DIS3L2: variants seen among roughly 807,000 people sequenced by gnomAD.
DIS3L2 encodes DIS3-like exonuclease 2.
In DIS3L2, 34 loss-of-function variants were observed where a neutral mutation model predicts 97.5. That is an observed-to-expected ratio of 0.35 (90% CI 0.27 to 0.46). The LOEUF is 0.46. DIS3L2 is among the 20% of genes least tolerant of loss of function. DIS3L2 has a pLI of 1.00. For missense variants in DIS3L2, 1,038 were observed against 1,146.0 expected (o/e 0.91, Z 1.36); for synonymous variants, 435 against 445.2 (o/e 0.98, Z 0.29).
chr2:232,003,196 C>T (rs765845267), intron 1 of DIS3L2, among the ~76,000 whole-genome samples: 2 of 152,116 alleles, frequency 1.3e-5, no homozygotes, highest in Non-Finnish European at 2.9e-5. Context: ...TAGAGGTTAC[C>T]CTTTATGCTT....
At chr2:232,196,062 C>A (rs1251407288) in intron 9 of DIS3L2, among the ~76,000 whole-genome samples, 1 of 151,912 alleles carries the variant, frequency 6.6e-6, no homozygotes, top group Non-Finnish European at 1.5e-5. Flanking sequence ...AGGTCAGATT[C>A]TTTTATTGTC....
At chr2:232,329,214 C>A (rs1157027670) in intron 14 of DIS3L2, 6 of 152,502 alleles carry the variant, frequency 3.9e-5, no homozygotes, top group African/African-American at 1.2e-4. Context: ...GTCCTGTCTA[C>A]CCTCAGAGAC....
chr2:232,333,758 T>A, intron 16 of DIS3L2, 82 bp from the exon 17 acceptor site: 213 of 1,401,376 alleles, frequency 1.5e-4, no homozygotes, highest in Admixed American at 9.0e-4. Flanking sequence ...CTGCCGACGG[T>A]GAGGCTGTGG....
intron 6 of DIS3L2, among the ~76,000 whole-genome samples, chr2:232,114,112 C>T (rs866997329): frequency 7.2e-5 from 11 of 152,276 alleles, no homozygotes; most frequent in South Asian, 2.1e-4. Flanking sequence ...GCACTCTTGA[C>T]TCACTATTCC....
intron 9 of DIS3L2, among the ~76,000 whole-genome samples, chr2:232,172,992 G>A (rs372083935): frequency 6.6e-6 from 1 of 152,116 alleles, no homozygotes; most frequent in African/African-American, 2.4e-5. Context: ...CCTTTCTATT[G>A]TTGAGCTATA....
At chr2:232,063,827 G>A (rs951643540) in intron 5 of DIS3L2, among the ~76,000 whole-genome samples, 4 of 152,048 alleles carry the variant, frequency 2.6e-5, no homozygotes, top group South Asian at 2.1e-4. Flanking sequence ...TAACTGAAGC[G>A]TCACCTCACT....
At chr2:232,173,866 G>A (rs963089538) in intron 9 of DIS3L2, among the ~76,000 whole-genome samples, 1 of 152,170 alleles carries the variant, frequency 6.6e-6, no homozygotes, top group Non-Finnish European at 1.5e-5. Flanking sequence ...TTGAAATTGA[G>A]AAGTGTGATT....
chr2:232,054,013 A>G (rs1223114720), intron 5 of DIS3L2, among the ~76,000 whole-genome samples: 3 of 152,210 alleles, frequency 2.0e-5, no homozygotes, highest in African/African-American at 7.2e-5. Flanking sequence ...GTCCCTCATT[A>G]GCATAAACTG....
intron 6 of DIS3L2, among the ~76,000 whole-genome samples, chr2:232,088,962 A>T (rs987396847): frequency 1.3e-5 from 2 of 152,328 alleles, no homozygotes; most frequent in Admixed American, 1.3e-4. Flanking sequence ...ATCAAGAAGA[A>T]GTTTCTGGCA....
intron 11 of DIS3L2, among the ~76,000 whole-genome samples, chr2:232,248,216 T>G (rs1048901123): frequency 7.0e-6 from 1 of 142,524 alleles, no homozygotes; most frequent in African/African-American, 2.4e-5. Flanking sequence ...TGAATGTCCC[T>G]CAATTACAGC....
chr2:232,223,722 C>CTAGCA (rs1692565261), intron 10 of DIS3L2, among the ~76,000 whole-genome samples: 1 of 152,150 alleles, frequency 6.6e-6, no homozygotes, highest in African/African-American at 2.4e-5. Flanking sequence ...ATGAGATAAT[C>CTAGCA]CCTGGCACTT....
At position 232,325,937 on chromosome 2, in the gene DIS3L2, G is replaced by A. The variant is rs544764054; in HGVS notation, c.1740-3876G>A. ...CGCCCTCCCGTCCAGCAGCCCCAGT[G>A]CCCACTCTGCGCCCTTCGGGGCTCC... On this transcript the variant is annotated intron_variant, in intron 14 of 20. Transcript: ENST00000325385. This position sits in a 1 kb window ranked among gnomAD's most constrained non-coding sequence, Gnocchi z 4.6. 5.2e-4 allele frequency among the ~76,000 whole-genome samples: 79 copies of A among 152,340 alleles called. No individual in the cohort carries two copies. Among genetic ancestry groups the A allele is most frequent in the Non-Finnish European group, 1.2e-4 (8 of 68,014 alleles).
chr2:232,080,278 G>A (rs1696349532), intron 5 of DIS3L2, among the ~76,000 whole-genome samples: 1 of 152,156 alleles, frequency 6.6e-6, no homozygotes, highest in Non-Finnish European at 1.5e-5. Context: ...GTGAGGAGCA[G>A]GTTCTAGTGG....
At chr2:232,275,207 G>A (rs1044569035) in intron 13 of DIS3L2, among the ~76,000 whole-genome samples, 1 of 152,180 alleles carries the variant, frequency 6.6e-6, no homozygotes, top group Non-Finnish European at 1.5e-5. Flanking sequence ...TCCCCTAGGT[G>A]CCTGGTGCGG....
intron 14 of DIS3L2, 24 bp from the exon 15 acceptor site, chr2:232,329,789 T>TA: frequency 4.1e-5 from 15 of 368,574 alleles, no homozygotes; most frequent in Non-Finnish European, 7.1e-5. Flanking sequence ...CAGCGGTCCC[T>TA]CCCATCCCAC....
intron 14 of DIS3L2, among the ~76,000 whole-genome samples, chr2:232,317,485 G>A (rs1695307366): frequency 6.6e-6 from 1 of 152,182 alleles, no homozygotes; most frequent in Non-Finnish European, 1.5e-5. Flanking sequence ...TGCCCAGGCT[G>A]GAGTACAGTG....
At chr2:232,279,534 GTT>G (rs1694229307) in intron 13 of DIS3L2, among the ~76,000 whole-genome samples, 1 of 148,012 alleles carries the variant, frequency 6.8e-6, no homozygotes, top group Non-Finnish European at 1.5e-5. Flanking sequence ...TTGTTTGTTT[GTT>G]TGTTTGTTTT....
At chr2:232,185,060 C>T (rs1238917186) in intron 9 of DIS3L2, among the ~76,000 whole-genome samples, 1 of 152,170 alleles carries the variant, frequency 6.6e-6, no homozygotes, top group Non-Finnish European at 1.5e-5. Context: ...GACTCTGTCT[C>T]TCTGATGGGT....
At chr2:232,145,295 T>A (rs1236699929) in intron 8 of DIS3L2, among the ~76,000 whole-genome samples, 3 of 152,206 alleles carry the variant, frequency 2.0e-5, no homozygotes, top group Non-Finnish European at 4.4e-5. Context: ...GAATAGATGT[T>A]TGAAGTTGTC....
Sources: gnomAD v4.1 joint callset for allele counts (sites outside exome capture counted in the v4.1 genomes callset) on GRCh38, gnomAD v4.1.1 for gene constraint, Gnocchi (gnomAD v3.1) non-coding constraint, MANE v1.5 for transcripts, NCBI Gene and HGNC (gene_info 2026-07-23, HGNC 2026-07-21) for gene names.